The following CSMD1 variants were observed in gnomAD, a reference collection of about 807,000 sequenced individuals.
CSMD1 encodes CUB and sushi domain-containing protein 1.
Under a neutral mutation model 417.5 loss-of-function variants are expected in CSMD1, and 213 were observed. That is an observed-to-expected ratio of 0.51 (90% CI 0.46 to 0.57). The LOEUF is 0.57. Ranked by LOEUF, CSMD1 falls within the 20% of genes least tolerant of loss-of-function variation. The probability of loss-of-function intolerance (pLI) is 0.00; values close to 1 mark genes in which losing one functional copy is unlikely to be tolerated. For missense variants in CSMD1, 6,923 were observed against 4,529.7 expected (o/e 1.53, Z -15.17); for synonymous variants, 2,862 against 1,736.8 (o/e 1.65, Z -16.11).
intron 3 of CSMD1, among the ~76,000 whole-genome samples, chr8:4,116,045 G>A (rs188031758): frequency 3.3e-5 from 5 of 151,268 alleles, no homozygotes; most frequent in Non-Finnish European, 5.9e-5. Flanking sequence ...CTGTCTCCCA[G>A]GCTAGATTGT....
chr8:3,305,035 ATATTTAATT>A, intron 25 of CSMD1, among the ~76,000 whole-genome samples: 1 of 152,244 alleles, frequency 6.6e-6, no homozygotes, highest in East Asian at 1.9e-4. Flanking sequence ...TTAAGGACTA[ATATTTAATT>A]TAATTAATTT....
intron 1 of CSMD1, among the ~76,000 whole-genome samples, chr8:4,912,221 G>A (rs1466195169): frequency 6.6e-6 from 1 of 151,718 alleles, no homozygotes; most frequent in Non-Finnish European, 1.5e-5. Context: ...GCTAGGTGGA[G>A]ACCTGCTTCC....
chr8:3,801,553 A>G (rs1201248200), intron 5 of CSMD1, among the ~76,000 whole-genome samples: 1 of 150,700 alleles, frequency 6.6e-6, no homozygotes, highest in Non-Finnish European at 1.5e-5. Context: ...ATGCTGGAAG[A>G]CAGTTTTGCA....
chr8:4,074,575 T>C (rs1019058011), intron 3 of CSMD1, among the ~76,000 whole-genome samples: 1 of 152,130 alleles, frequency 6.6e-6, no homozygotes, highest in African/African-American at 2.4e-5. Context: ...GGATCCGACA[T>C]AAATTATTCT....
chr8:3,908,002 AC>A (rs1348313279), intron 5 of CSMD1, among the ~76,000 whole-genome samples: 2 of 152,106 alleles, frequency 1.3e-5, no homozygotes, highest in Admixed American at 6.5e-5. Context: ...TGATATGTTC[AC>A]AGTTTCCTCT....
At chr8:3,951,263 G>C (rs181145245) in intron 5 of CSMD1, among the ~76,000 whole-genome samples, 1 of 152,274 alleles carries the variant, frequency 6.6e-6, no homozygotes, top group Non-Finnish European at 1.5e-5. Context: ...GGCCAGAGTG[G>C]ATTTCCTCCT....
chr8:3,447,285 T>C (rs1166566875), intron 12 of CSMD1, among the ~76,000 whole-genome samples: 1 of 152,020 alleles, frequency 6.6e-6, no homozygotes, highest in East Asian at 1.9e-4. Flanking sequence ...TCAATAGAAT[T>C]AAATATTTTA....
intron 3 of CSMD1, among the ~76,000 whole-genome samples, chr8:4,283,376 G>A (rs959929633): frequency 6.6e-6 from 1 of 152,128 alleles, no homozygotes; most frequent in African/African-American, 2.4e-5. Flanking sequence ...TCTGAAAAGG[G>A]TATGTGTGCC....
At chr8:4,409,102 T>C (rs1400143144) in intron 3 of CSMD1, among the ~76,000 whole-genome samples, 1 of 152,246 alleles carries the variant, frequency 6.6e-6, no homozygotes, top group African/African-American at 2.4e-5. Context: ...TTTTAAAGTT[T>C]AGCATCTGCA....
At chr8:3,611,375 T>C (rs749320867) in intron 8 of CSMD1, among the ~76,000 whole-genome samples, 3 of 152,122 alleles carry the variant, frequency 2.0e-5, no homozygotes, top group African/African-American at 7.2e-5. Context: ...GGAACAAACA[T>C]CTATGTAATT....
chr8:3,697,856 A>G (rs2623589), intron 7 of CSMD1, among the ~76,000 whole-genome samples: 119,673 of 152,168 alleles, frequency 0.79, 47,226 homozygotes, highest in African/African-American at 0.84. Context: ...CTCATTCACT[A>G]TTTGAGGTAA....
At chr8:4,275,209 G>A (rs118153060) in intron 3 of CSMD1, among the ~76,000 whole-genome samples, 3,449 of 152,056 alleles carry the variant, frequency 0.023, 47 homozygotes, top group Middle Eastern at 0.078. Context: ...ATAAATTATT[G>A]TCTAGTTTGT....
At chr8:3,208,071 T>G (rs187415519) in intron 30 of CSMD1, among the ~76,000 whole-genome samples, 32 of 152,314 alleles carry the variant, frequency 2.1e-4, no homozygotes, top group African/African-American at 6.7e-4. Flanking sequence ...GTTCAAGTTT[T>G]TAAAAAACTT....
intron 5 of CSMD1, among the ~76,000 whole-genome samples, chr8:3,829,365 A>G (rs1361540910): frequency 6.6e-6 from 1 of 152,176 alleles, no homozygotes; most frequent in Non-Finnish European, 1.5e-5. Flanking sequence ...AACTCTGTCA[A>G]ACTATACCCC....
chr8:3,234,515 C>A (rs1008156724), intron 26 of CSMD1, among the ~76,000 whole-genome samples: 2 of 151,132 alleles, frequency 1.3e-5, no homozygotes, highest in Non-Finnish European at 3.0e-5. Flanking sequence ...GCTTGGGTTT[C>A]GGAGTAGGTT....
intron 1 of CSMD1, among the ~76,000 whole-genome samples, chr8:4,718,766 T>C (rs1464807771): frequency 2.0e-5 from 3 of 152,048 alleles, no homozygotes; most frequent in African/African-American, 7.2e-5. Flanking sequence ...AAGAAAATAC[T>C]CTTTTTAAAG....
chr8:3,617,194 T>C (rs1339027191), intron 7 of CSMD1, among the ~76,000 whole-genome samples: 1 of 152,206 alleles, frequency 6.6e-6, no homozygotes, highest in Non-Finnish European at 1.5e-5. Context: ...ACAACAGAGA[T>C]GATATTTACT....
At chr8:3,452,836 T>C (rs1331093808) in intron 12 of CSMD1, among the ~76,000 whole-genome samples, 13 of 152,238 alleles carry the variant, frequency 8.5e-5, no homozygotes, top group Admixed American at 2.0e-4. Flanking sequence ...CCTCATAAAA[T>C]GAGTTAGGGA....
rs552717790 is a variant in CSMD1 at position 3,391,619 on chromosome 8, G to A, written c.2594-3937C>T. 2.6e-5 allele frequency among the ~76,000 whole-genome samples: 4 copies of A among 152,264 alleles called. No individual in the cohort carries two copies. The South Asian group carries it at 8.3e-4, about 32-fold the overall frequency. ...TGCATGAAGCAGAACTGCAATTCTAGGTTTGCTTTTACAAAAGCCTCAAAA... is the reference window on the plus strand; with the variant it reads ...TGCATGAAGCAGAACTGCAATTCTAAGTTTGCTTTTACAAAAGCCTCAAAA... On this transcript the variant is annotated intron_variant, in intron 17 of 69. Coordinates refer to ENST00000635120, the MANE Select transcript of CSMD1 (RefSeq NM_033225.6).
Sources: gnomAD v4.1 joint callset for allele counts (sites outside exome capture counted in the v4.1 genomes callset) on GRCh38, gnomAD v4.1.1 for gene constraint, MANE v1.5 for transcripts, NCBI Gene and HGNC (gene_info 2026-07-23, HGNC 2026-07-21) for gene names.